CNTROB: variants seen among roughly 807,000 people sequenced by gnomAD.
The protein encoded by CNTROB is centrobin, centriole duplication and spindle assembly protein, also known as centrobin.
In CNTROB, 82 loss-of-function variants were observed where a neutral mutation model predicts 115.7. The observed-to-expected ratio is 0.71, with a 90% confidence interval of 0.59 to 0.85. The LOEUF (loss-of-function observed/expected upper bound fraction) is 0.85, where lower values mean the gene tolerates loss of function less well. Among genes scored for constraint, CNTROB ranks in the 40% least tolerant of loss-of-function variants. The pLI, the probability that CNTROB is intolerant of heterozygous loss-of-function variation, is 0.00. For missense variants in CNTROB, 1,014 were observed against 1,144.4 expected (o/e 0.89, Z 1.64); for synonymous variants, 439 against 456.4 (o/e 0.96, Z 0.49).
Position 7,948,340 on chromosome 17 carries a change from T to C in CNTROB, c.2380+13T>C. Reference sequence around the variant, plus strand: ...TCCCCAGAGAGAGGTGAGCATGTTCTGGTTTATTAGGGAAAAAAGGAGGGA... The same window carrying C: ...TCCCCAGAGAGAGGTGAGCATGTTCCGGTTTATTAGGGAAAAAAGGAGGGA... On this transcript the variant is annotated intron_variant, in intron 16 of 18. Coordinates refer to ENST00000563694, the MANE Select transcript of CNTROB (RefSeq NM_053051.5). This position sits in a 1 kb window ranked among gnomAD's most constrained non-coding sequence, Gnocchi z 4.4. 6.2e-7 allele frequency: 1 copy of C among 1,613,988 alleles called. No individual in the cohort carries two copies. The highest frequency in any genetic ancestry group is 8.5e-7 in the Non-Finnish European group (1 of 1,179,898).
rs144132641 is a variant in CNTROB, at chr17:7,944,394, A to G, written c.1572-82A>G. On this transcript the variant is annotated intron_variant, in intron 11 of 18. Transcript: ENST00000563694. This position sits in a 1 kb window ranked among gnomAD's most constrained non-coding sequence, Gnocchi z 4.0. Reference sequence around the variant, plus strand: ...CTCCTTTCAGAATATCAGATGTCCAACATTTCCCTTCTGGCTCTTTTTAGC... The same window carrying G: ...CTCCTTTCAGAATATCAGATGTCCAGCATTTCCCTTCTGGCTCTTTTTAGC... The G allele has an allele frequency of 3.8e-6, 6 of 1,583,014 alleles. No homozygotes were observed. Among genetic ancestry groups the G allele is most frequent in the Non-Finnish European group, 5.2e-6 (6 of 1,156,300 alleles).
chr17:7,933,295 C>T lies in CNTROB; in HGVS notation c.216C>T (p.Ala72=). 6.2e-7 allele frequency: 1 copy of T among 1,614,168 alleles called. No homozygotes were observed. Among genetic ancestry groups the T allele is most frequent in the Non-Finnish European group, 8.5e-7 (1 of 1,180,032 alleles). Residue 72 remains alanine (A), a synonymous_variant, in exon 1 of 19, where the codon GCC becomes GCT. Transcript: ENST00000563694. ...SPPHEGLDGF[A]QELSRSLSVG... Reference sequence around the variant, plus strand: ...CTCATGAAGGGTTAGACGGCTTCGCCCAAGAATTGAGTCGAAGCTTGTCAG... The same window carrying T: ...CTCATGAAGGGTTAGACGGCTTCGCTCAAGAATTGAGTCGAAGCTTGTCAG...
chr17:7,932,129 C>A (rs1972581911), upstream of CNTROB: 1 of 473,292 alleles, frequency 2.1e-6, no homozygotes, highest in Admixed American at 3.6e-5. Context: ...GCTCGGGATA[C>A]AGAAGTGATG....
At chr17:7,942,377 C>CACG (rs1973977170) in intron 9 of CNTROB, among the ~76,000 whole-genome samples, 1 of 151,986 alleles carries the variant, frequency 6.6e-6, no homozygotes, top group African/African-American at 2.4e-5. Flanking sequence ...GCGGGTGGAT[C>CACG]ACGAGGTCAG....
rs1344613060 is a variant in CNTROB, at chr17:7,947,722, G to A, written c.2145G>A (p.Gln715=). ...QLEGLKNFLH[Q]LLETVPQNNE... is the part of the protein sequence containing the mutation. ...AGGGCCTCAAGAATTTTTTGCACCA[G>A]GTAAGAGAGATTCCACCCAGACTAG... Residue 715 remains glutamine, a splice_region_variant and synonymous_variant, in exon 14 of 19, where the codon CAG becomes CAA. Coordinates refer to ENST00000563694, the MANE Select transcript of CNTROB (RefSeq NM_053051.5). 1 of 1,609,216 alleles carries A rather than the reference G, an allele frequency of 6.2e-7. No individual in the cohort carries two copies. The highest frequency in any genetic ancestry group is 8.5e-7 in the Non-Finnish European group (1 of 1,176,814).
intron 9 of CNTROB, 25 bp downstream of exon 9, chr17:7,940,267 G>A (rs1165927948): frequency 6.3e-7 from 1 of 1,575,230 alleles, no homozygotes; most frequent in Non-Finnish European, 8.6e-7. Flanking sequence ...GTTTCTTGAG[G>A]TTTTGTTCTG....
chr17:7,942,495 G>A (rs1973995910), intron 9 of CNTROB, among the ~76,000 whole-genome samples: 1 of 151,028 alleles, frequency 6.6e-6, no homozygotes. Flanking sequence ...TACTTGGGAG[G>A]CTGATGCAGG....
chr17:7,944,625 C>T lies in CNTROB; in HGVS notation c.1721C>T (p.Pro574Leu), dbSNP rs779172465. Residue 574 changes from proline to leucine, a missense_variant, in exon 12 of 19, where the codon CCG (proline) becomes CTG (leucine). Pro to Leu is a moderately conservative substitution (Grantham distance 98). Coordinates refer to ENST00000563694, the MANE Select transcript of CNTROB (RefSeq NM_053051.5). The surrounding 1 kb of genome is among the most constrained non-coding windows in gnomAD (Gnocchi z 4.0). ...CAGCTGCTCAGCACCACTCTCCCGC[C>T]GCCCAACCCTCCAGTACGCCTTACC... ...ANQLLSTTLP[P>L]PNPPAPPAGP... is the part of the protein sequence containing the mutation. 16 of 1,609,658 alleles carry T rather than the reference C, an allele frequency of 9.9e-6. No individual in the cohort carries two copies. Among genetic ancestry groups the T allele is most frequent in the African/African-American group, 5.3e-5 (4 of 74,808 alleles).
rs939747118 is a variant in CNTROB at position 7,932,977 on chromosome 17, C to T, written c.-103C>T. 42 of 1,266,054 alleles carry T rather than the reference C, an allele frequency of 3.3e-5. No individual in the cohort carries two copies. The highest frequency in any genetic ancestry group is 4.5e-5 in the Non-Finnish European group (41 of 912,290). 78.4% of individuals were successfully genotyped at this position (1,266,054 alleles called of 1,614,324 possible). On this transcript the variant is annotated 5_prime_UTR_variant, in exon 1 of 19. Transcript: ENST00000563694. Reference sequence around the variant, plus strand: ...CAAGGATCCTTGGCGTGGAGTCTTCCTCCCTTCTCCCAAGTCTTTCTCCGT... The same window carrying T: ...CAAGGATCCTTGGCGTGGAGTCTTCTTCCCTTCTCCCAAGTCTTTCTCCGT...
intron 2 of CNTROB, 22 bp from the exon 3 acceptor site, chr17:7,934,443 G>C (rs961429078): frequency 1.2e-6 from 2 of 1,612,012 alleles, no homozygotes; most frequent in African/African-American, 2.7e-5. Context: ...TCTGGCTTTG[G>C]GGTCCCTCTG....
chr17:7,946,061 G>C (rs546163448), intron 13 of CNTROB, 75 bp downstream of exon 13: 3 of 1,332,214 alleles, frequency 2.3e-6, no homozygotes, highest in African/African-American at 1.5e-5. Context: ...CCTGCTTTCT[G>C]TCTGATACTT....
Position 7,933,127 on chromosome 17 carries a change from T to G in CNTROB, c.48T>G (p.Asp16Glu), listed in dbSNP as rs1181762483. 3 of 1,614,082 alleles carry G rather than the reference T, an allele frequency of 1.9e-6. No homozygotes were observed. The highest frequency in any genetic ancestry group is 1.7e-6 in the Non-Finnish European group (2 of 1,180,006). The change falls in exon 1 of 19, where the codon GAT becomes GAG. Residue 16 changes from aspartate to glutamate, a missense_variant. Physicochemically the swap from Asp to Glu is conservative, Grantham distance 45. Coordinates refer to ENST00000563694, the MANE Select transcript of CNTROB (RefSeq NM_053051.5). ...DSPSSPLGAE[D>E]LLSDSSEPPG... The stretch of plus-strand genomic sequence containing the variant: ...CCAGTTCACCCCTCGGGGCGGAGGA[T>G]CTCCTGAGTGATTCATCAGAACCCC...
In CNTROB at chr17:7,943,327, T is replaced by C; in HGVS notation, c.1312-64T>C. 7.8e-7 allele frequency: 1 copy of C among 1,274,576 alleles called. No individual in the cohort carries two copies. The highest frequency in any genetic ancestry group is 1.1e-6 in the Non-Finnish European group (1 of 897,220). The allele number at this position is 1,274,576 out of a possible 1,614,324, so 79.0% of individuals were successfully genotyped here. On this transcript the variant is annotated intron_variant, in intron 9 of 18. Transcript: ENST00000563694. This position sits in a 1 kb window ranked among gnomAD's most constrained non-coding sequence, Gnocchi z 4.7. Reference sequence around the variant, plus strand: ...TTGGTACTGGATTTTGTCTACATTATATCCTCCATCCTCTTCTAAGCCCAA... The same window carrying C: ...TTGGTACTGGATTTTGTCTACATTACATCCTCCATCCTCTTCTAAGCCCAA...
rs760076702 is a variant in CNTROB at position 7,943,410 on chromosome 17, G to A, written c.1331G>A (p.Arg444Gln). ...CTCCAGGCCCGGTATGAAAGCCAGC[G>A]GATCCAGCTGGAGTCGGAGCTGGCT... is the stretch of plus-strand genomic sequence containing the variant. ...SLVQARYESQ[R>Q]IQLESELAVQ... The change falls in exon 10 of 19, where the codon CGG becomes CAG. Residue 444 changes from arginine (R) to glutamine (Q), a missense_variant. Physicochemically the swap from Arg to Gln is conservative, Grantham distance 43 (BLOSUM62 1). Transcript: ENST00000563694. This position sits in a 1 kb window ranked among gnomAD's most constrained non-coding sequence, Gnocchi z 4.7. The A allele has an allele frequency of 8.7e-6, 14 of 1,612,922 alleles. No individual in the cohort carries two copies. The highest frequency in any genetic ancestry group is 6.7e-5 in the East Asian group (3 of 44,880).
Position 7,932,539 on chromosome 17 carries a change from AG to A in CNTROB, c.-540del. 1.1e-5 allele frequency: 1 copy of A among 87,812 alleles called. No individual in the cohort carries two copies. The allele number at this position is 87,812 out of a possible 1,614,324, so 5.4% of individuals were successfully genotyped here. On this transcript the variant is annotated 5_prime_UTR_variant, in exon 1 of 19. It removes the in-frame stop codon of an upstream open reading frame in the 5' UTR. Coordinates refer to ENST00000563694, the MANE Select transcript of CNTROB (RefSeq NM_053051.5). ...CGAAGGGAAAGTACAAGGGAGCTGG[AG>A]CTGACCCTGGGTAGAACGGGTGAAG...
Position 7,948,170 on chromosome 17 carries a change from C to T in CNTROB, c.2223C>T (p.Val741=). ...TCCTTTTGCTAGGTCCTCTGACTGT[C>T]CCATCTTGGGAGGAAGCCCCTCAAG... ...LLPPKSGPLT[V]PSWEEAPQVP... is the part of the protein sequence containing the mutation. The change falls in exon 16 of 19, where the codon GTC becomes GTT. Residue 741 remains valine (V), a synonymous_variant. Transcript: ENST00000563694. This position sits in a 1 kb window ranked among gnomAD's most constrained non-coding sequence, Gnocchi z 4.4. 1 of 1,614,152 alleles carries T rather than the reference C, an allele frequency of 6.2e-7. No individual in the cohort carries two copies. Among genetic ancestry groups the T allele is most frequent in the East Asian group, 2.2e-5 (1 of 44,874 alleles).
In CNTROB at chr17:7,940,198, C is replaced by T. The variant is rs1370912513; in HGVS notation, c.1267C>T (p.Arg423Trp). ...GCTGGAAGGAGAGCTGGATACAGCT[C>T]GGAGAGAGAGAGATGCCCTGCAGCT... Reference protein sequence around the residue: ...RRLEGELDTARRERDALQLEM... With the variant: ...RRLEGELDTAWRERDALQLEM... The change falls in exon 9 of 19, where the codon CGG (arginine) becomes TGG (tryptophan). Residue 423 changes from arginine to tryptophan, a missense_variant. By Grantham distance (101) the Arg-to-Trp change is moderately radical. Coordinates refer to ENST00000563694, the MANE Select transcript of CNTROB (RefSeq NM_053051.5). 13 of 1,611,972 alleles carry T rather than the reference C, an allele frequency of 8.1e-6. No homozygotes were observed. Among genetic ancestry groups the T allele is most frequent in the Middle Eastern group, 1.7e-4 (1 of 6,044 alleles).
rs1974772770 is a variant in CNTROB, at chr17:7,948,110, G to T, written c.2210-47G>T. On this transcript the variant is annotated intron_variant, in intron 15 of 18. Transcript: ENST00000563694. This position sits in a 1 kb window ranked among gnomAD's most constrained non-coding sequence, Gnocchi z 4.4. ...AATGCTGGGTGGTGGGACTTCCTTG[G>T]TTCTATGCCCCATTTCCTGATTCTT... 1 of 1,611,804 alleles carries T rather than the reference G, an allele frequency of 6.2e-7. No individual in the cohort carries two copies. The highest frequency in any genetic ancestry group is 1.3e-5 in the African/African-American group (1 of 74,802).
rs768119134 is a variant in CNTROB at position 7,949,096 on chromosome 17, G to T, written c.2525G>T (p.Arg842Leu). 6.2e-7 allele frequency: 1 copy of T among 1,613,872 alleles called. No homozygotes were observed. The highest frequency in any genetic ancestry group is 1.3e-5 in the African/African-American group (1 of 74,900). ...GATTTGTGTAGCAGGACTGATGGCC[G>T]AGGGGATAATGTCCCCAGAAGGAAC... Reference protein sequence around the residue: ...KRLEHSGTDGRGDNVPRRNTD... With the variant: ...KRLEHSGTDGLGDNVPRRNTD... The change falls in exon 18 of 19, where the codon CGA becomes CTA. Residue 842 changes from arginine to leucine, a missense_variant. Physicochemically the swap from Arg to Leu is moderately radical, Grantham distance 102. Coordinates refer to ENST00000563694, the MANE Select transcript of CNTROB (RefSeq NM_053051.5).
Sources: gnomAD v4.1 joint callset for allele counts (sites outside exome capture counted in the v4.1 genomes callset) on GRCh38, gnomAD v4.1.1 for gene constraint, Gnocchi (gnomAD v3.1) non-coding constraint, MANE v1.5 for transcripts, NCBI Gene and HGNC (gene_info 2026-07-23, HGNC 2026-07-21) for gene names.